The following MIPOL1 variants were observed in gnomAD, a reference collection of about 807,000 sequenced individuals.
The protein encoded by MIPOL1 is mirror-image polydactyly gene 1 protein.
In MIPOL1, 57 loss-of-function variants were observed where a neutral mutation model predicts 60.9. The ratio of observed to expected loss-of-function variants is 0.94; its 90% confidence interval spans 0.76 to 1.17. MIPOL1 has a LOEUF of 1.17. Ranked by LOEUF, MIPOL1 falls within the 50% of genes most tolerant of loss-of-function variation. MIPOL1 has a pLI of 0.00. For missense variants in MIPOL1, 551 were observed against 511.6 expected (o/e 1.08, Z -0.74); for synonymous variants, 179 against 168.8 (o/e 1.06, Z -0.47).
chr14:37,537,293 G>A (rs2095510516), intron 12 of MIPOL1, among the ~76,000 whole-genome samples: 1 of 152,132 alleles, frequency 6.6e-6, no homozygotes, highest in South Asian at 2.1e-4. Context: ...TGCCACCTTA[G>A]CTAGGCTAAG....
chr14:37,482,865 G>T (rs1427550093), intron 11 of MIPOL1, among the ~76,000 whole-genome samples: 1 of 152,108 alleles, frequency 6.6e-6, no homozygotes. Context: ...TAATTCAGCT[G>T]TCCCTCAGTA....
intron 9 of MIPOL1, among the ~76,000 whole-genome samples, chr14:37,351,307 A>G: frequency 7.0e-6 from 1 of 142,570 alleles, no homozygotes; most frequent in Non-Finnish European, 1.5e-5. Flanking sequence ...CCAGTCTATC[A>G]TTGTTGGACA....
At chr14:37,230,940 C>T (rs1233168586) in intron 1 of MIPOL1, among the ~76,000 whole-genome samples, 2 of 151,936 alleles carry the variant, frequency 1.3e-5, no homozygotes, top group Non-Finnish European at 2.9e-5. Context: ...AATTTTATTC[C>T]ATATATCTCT....
At position 37,440,838 on chromosome 14, in the gene MIPOL1, T is replaced by C. The variant is rs929677914; in HGVS notation, c.1031+17889T>C. ...TCTTAAGTTCTTTGAGAAATCTCCA[T>C]ACTGTTTTCCACAGAGGTTGTCCTA... On this transcript the variant is annotated intron_variant, in intron 11 of 12. Coordinates refer to ENST00000684589, the MANE Select transcript of MIPOL1 (RefSeq NM_001388067.1). 5.9e-5 allele frequency among the ~76,000 whole-genome samples: 9 copies of C among 152,280 alleles called. No individual in the cohort carries two copies. In the East Asian group the frequency reaches 1.7e-3, roughly 29 times the overall value.
rs61989589 is a variant in MIPOL1, at chr14:37,322,079, G to A, written c.828+13560G>A. ...TAGGCATCCCTCTGTCCATCAATTCGTCTCACTTATGATGCATTCATGTAA... is the reference window on the plus strand; with the variant it reads ...TAGGCATCCCTCTGTCCATCAATTCATCTCACTTATGATGCATTCATGTAA... On this transcript the variant is annotated intron_variant, in intron 9 of 12. Transcript: ENST00000684589. Among the ~76,000 whole-genome samples the A allele has an allele frequency of 2.5e-3, 375 of 151,884 alleles. 3 individuals are homozygous for A. The highest frequency in any genetic ancestry group is 7.8e-3 in the African/African-American group (322 of 41,458).
chr14:37,530,806 C>A (rs2095474183), intron 12 of MIPOL1, among the ~76,000 whole-genome samples: 1 of 151,552 alleles, frequency 6.6e-6, no homozygotes, highest in African/African-American at 2.4e-5. Flanking sequence ...CAGCTGGAGG[C>A]TGCATGTAGA....
At chr14:37,516,131 G>A (rs1338368587) in intron 12 of MIPOL1, among the ~76,000 whole-genome samples, 1 of 152,036 alleles carries the variant, frequency 6.6e-6, no homozygotes, top group Admixed American at 6.6e-5. Context: ...TTCAGTGTGG[G>A]GTTTTATAAA....
chr14:37,423,335 A>G (rs1044373226), intron 11 of MIPOL1, among the ~76,000 whole-genome samples: 1 of 150,130 alleles, frequency 6.7e-6, no homozygotes, highest in East Asian at 1.9e-4. Context: ...AAATATATAT[A>G]TTTTAAAACA....
At chr14:37,239,683 G>A (rs1241091356) in intron 1 of MIPOL1, among the ~76,000 whole-genome samples, 1 of 151,930 alleles carries the variant, frequency 6.6e-6, no homozygotes, top group Admixed American at 6.6e-5. Flanking sequence ...CCCATGTTAT[G>A]GAACATCTGT....
At chr14:37,237,256 C>T (rs899106438) in intron 1 of MIPOL1, among the ~76,000 whole-genome samples, 2 of 152,108 alleles carry the variant, frequency 1.3e-5, no homozygotes, top group Non-Finnish European at 2.9e-5. Flanking sequence ...CTAGACAGGT[C>T]AGCACAGACA....
chr14:37,434,141 TCC>T (rs2094124362), intron 11 of MIPOL1, among the ~76,000 whole-genome samples: 1 of 152,182 alleles, frequency 6.6e-6, no homozygotes, highest in African/African-American at 2.4e-5. Flanking sequence ...TAATTTACAC[TCC>T]CACCAACAGT....
intron 10 of MIPOL1, among the ~76,000 whole-genome samples, chr14:37,389,897 C>T (rs1174312849): frequency 6.6e-6 from 1 of 151,718 alleles, no homozygotes; most frequent in Admixed American, 6.6e-5. Flanking sequence ...ATGGATTTTG[C>T]AGCTGTTTTA....
At chr14:37,210,944 C>A (rs1052683138) in intron 1 of MIPOL1, among the ~76,000 whole-genome samples, 3 of 152,102 alleles carry the variant, frequency 2.0e-5, no homozygotes, top group Admixed American at 6.5e-5. Context: ...GTATTATCAT[C>A]CCTGCTTCAA....
intron 12 of MIPOL1, among the ~76,000 whole-genome samples, chr14:37,527,100 T>G (rs1273213341): frequency 6.6e-6 from 1 of 152,076 alleles, no homozygotes; most frequent in Non-Finnish European, 1.5e-5. Context: ...ATTTTTGTGT[T>G]GGACAAAAAA....
At chr14:37,481,612 C>CACACACAA (rs1555356178) in intron 11 of MIPOL1, among the ~76,000 whole-genome samples, 1 of 138,280 alleles carries the variant, frequency 7.2e-6, no homozygotes, top group African/African-American at 2.7e-5. Context: ...CACACACACA[C>CACACACAA]CGAAACCACA....
intron 11 of MIPOL1, among the ~76,000 whole-genome samples, chr14:37,442,199 A>C (rs1455733641): frequency 2.0e-5 from 3 of 151,782 alleles, no homozygotes; most frequent in Non-Finnish European, 4.4e-5. Flanking sequence ...CAGAAATGCT[A>C]CTGATTGTTG....
chr14:37,476,486 G>C (rs746080105), intron 11 of MIPOL1, among the ~76,000 whole-genome samples: 1 of 152,168 alleles, frequency 6.6e-6, no homozygotes, highest in Non-Finnish European at 1.5e-5. Context: ...TAGAAGTAGT[G>C]AGAGGGCACT....
At chr14:37,348,565 G>A (rs1376006477) in intron 9 of MIPOL1, among the ~76,000 whole-genome samples, 1 of 151,920 alleles carries the variant, frequency 6.6e-6, no homozygotes, top group Non-Finnish European at 1.5e-5. Flanking sequence ...AAAAAATAAT[G>A]TCCCTAATGT....
chr14:37,422,278 C>T (rs2093886737), intron 10 of MIPOL1, among the ~76,000 whole-genome samples: 1 of 151,866 alleles, frequency 6.6e-6, no homozygotes, highest in African/African-American at 2.4e-5. Context: ...ACGGTTGCTG[C>T]CGTTCTCCCC....
Sources: allele counts gnomAD v4.1 joint callset (sites outside exome capture counted in the v4.1 genomes callset), GRCh38; gene constraint gnomAD v4.1.1; transcripts MANE v1.5; gene names NCBI Gene and HGNC (gene_info 2026-07-23, HGNC 2026-07-21).